GALNS: variants seen among roughly 807,000 people sequenced by gnomAD.
GALNS encodes N-acetylgalactosamine-6-sulfatase.
Under a neutral mutation model 65.9 loss-of-function variants are expected in GALNS, and 65 were observed. The observed-to-expected ratio is 0.99, with a 90% CI of 0.81 to 1.21. The LOEUF (loss-of-function observed/expected upper bound fraction) is 1.21, where lower values mean the gene tolerates loss of function less well. GALNS is among the 50% of genes most tolerant of loss of function. GALNS has a pLI of 0.00. For missense variants in GALNS, 776 were observed against 700.7 expected (o/e 1.11, Z -1.21); for synonymous variants, 346 against 288.9 (o/e 1.20, Z -2.00).
chr16:88,833,624 T>G (rs1037305575), intron 8 of GALNS, among the ~76,000 whole-genome samples: 1 of 151,930 alleles, frequency 6.6e-6, no homozygotes, highest in Non-Finnish European at 1.5e-5. Context: ...GCTAATTTTT[T>G]GTTTTTCAGT....
At chr16:88,820,558 C>T (rs1450133953) in intron 12 of GALNS, among the ~76,000 whole-genome samples, 1 of 152,230 alleles carries the variant, frequency 6.6e-6, no homozygotes, top group East Asian at 1.9e-4. Context: ...AAGGCATGGC[C>T]GACAGCTGGG....
chr16:88,853,353 CAG>C (rs1967598116), intron 1 of GALNS, among the ~76,000 whole-genome samples: 2 of 151,156 alleles, frequency 1.3e-5, no homozygotes, highest in South Asian at 2.1e-4. Flanking sequence ...TTCAGAATTT[CAG>C]AGTTTTAAGA....
chr16:88,842,988 C>G, intron 1 of GALNS, 159 bp from the exon 2 acceptor site: 2 of 1,507,740 alleles, frequency 1.3e-6, no homozygotes, highest in South Asian at 2.4e-5. Flanking sequence ...CCAGCATCGC[C>G]TGCGTGCGTG....
At chr16:88,821,302 C>T (rs138027673) in intron 12 of GALNS, among the ~76,000 whole-genome samples, 4 of 150,856 alleles carry the variant, frequency 2.7e-5, no homozygotes, top group Admixed American at 6.6e-5. Context: ...GTCCAGTCCC[C>T]GTCTCGTCCC....
rs530332447 is a variant in GALNS at position 88,837,973 on chromosome 16, G to A, written c.423-208C>T. 23 of 581,248 alleles carry A rather than the reference G, an allele frequency of 4.0e-5. 1 individual carries two copies. The highest frequency in any genetic ancestry group is 2.6e-4 in the African/African-American group (14 of 53,642). The allele number at this position is 581,248 out of a possible 1,614,324, so 36.0% of individuals were successfully genotyped here. On this transcript the variant is annotated intron_variant, in intron 4 of 13. Coordinates refer to ENST00000268695, the MANE Select transcript of GALNS (RefSeq NM_000512.5). The stretch of plus-strand genomic sequence containing the variant: ...GCACTGCCCGCCTACCCTGCAGAGC[G>A]TCTGGGCACAACCGAGGGCGGCAGG...
rs117163814 is a variant in GALNS, at chr16:88,835,113, G to A, written c.898+100C>T. 55,563 of 1,463,714 alleles carry A rather than the reference G, an allele frequency of 0.038. 1,271 individuals are homozygous for A. The highest frequency in any genetic ancestry group is 0.077 in the South Asian group (6,273 of 81,614). The allele number at this position is 1,463,714 out of a possible 1,614,324, so 90.7% of individuals were successfully genotyped here. ...CGCTGGACCCAGAGGGACCCTTCAT[G>A]CTCTGCCCACCACAGACCCCGTGGG... On this transcript the variant is annotated intron_variant, in intron 8 of 13. Coordinates refer to ENST00000268695, the MANE Select transcript of GALNS (RefSeq NM_000512.5).
At chr16:88,842,917 C>A in intron 1 of GALNS, 88 bp from the exon 2 acceptor site, 1 of 1,564,696 alleles carries the variant, frequency 6.4e-7, no homozygotes, top group Non-Finnish European at 8.6e-7. Context: ...AAGAGCGTGT[C>A]GGGGACCGTG....
intron 1 of GALNS, chr16:88,843,216 T>G: frequency 7.6e-7 from 1 of 1,314,120 alleles, no homozygotes. Context: ...TCAACATAAA[T>G]ACACAGGCCC....
intron 1 of GALNS, chr16:88,855,238 CTG>C (rs2143011461): frequency 2.9e-6 from 2 of 699,168 alleles, no homozygotes; most frequent in South Asian, 3.0e-5. Context: ...CCTCTGTCCT[CTG>C]AGAAAGTCAG....
At position 88,813,947 on chromosome 16, in the gene GALNS, G is replaced by A. The variant is rs1011199974; in HGVS notation, c.*492C>T. 3 of 202,232 alleles carry A rather than the reference G, an allele frequency of 1.5e-5. No individual in the cohort carries two copies. Among genetic ancestry groups the A allele is most frequent in the African/African-American group, 2.3e-5 (1 of 43,398 alleles). The allele number at this position is 202,232 out of a possible 1,614,324, so 12.5% of individuals were successfully genotyped here. A position where few individuals can be genotyped will look rare whatever the true frequency, so the allele number is the denominator to read the frequency against. ...CCCTTACTGTTTACATAAAAATGCG[G>A]ATTCACTGGGCCAGACTCAATCGTG... On this transcript the variant is annotated 3_prime_UTR_variant, in exon 14 of 14. Coordinates refer to ENST00000268695, the MANE Select transcript of GALNS (RefSeq NM_000512.5).
intron 1 of GALNS, among the ~76,000 whole-genome samples, chr16:88,848,571 GAA>G (rs60527229): frequency 7.4e-6 from 1 of 135,858 alleles, no homozygotes; most frequent in Admixed American, 7.3e-5. Context: ...GACTCCGTCT[GAA>G]AAAAAAAAAA....
At chr16:88,833,905 T>C (rs1354270556) in intron 8 of GALNS, among the ~76,000 whole-genome samples, 5 of 152,230 alleles carry the variant, frequency 3.3e-5, no homozygotes, top group African/African-American at 1.2e-4. Flanking sequence ...CATTTAGAAA[T>C]GAAGACTCAG....
At chr16:88,842,113 T>A in intron 2 of GALNS, 142 bp from the exon 3 acceptor site, 2 of 767,456 alleles carry the variant, frequency 2.6e-6, no homozygotes, top group Non-Finnish European at 4.6e-6. Context: ...CGCCTGTCAA[T>A]CCCCGTTAGC....
At chr16:88,832,425 T>C (rs543536481) in intron 8 of GALNS, among the ~76,000 whole-genome samples, 5 of 152,310 alleles carry the variant, frequency 3.3e-5, no homozygotes, top group African/African-American at 9.6e-5. Context: ...CGACTGGTGC[T>C]TCCCGAACGT....
At chr16:88,851,552 G>A (rs928124401) in intron 1 of GALNS, among the ~76,000 whole-genome samples, 1 of 152,154 alleles carries the variant, frequency 6.6e-6, no homozygotes, top group African/African-American at 2.4e-5. Context: ...AAGCAGGGTG[G>A]GGCATCGCCT....
chr16:88,840,453 T>G (rs115676398), intron 4 of GALNS: 2,471 of 183,242 alleles, frequency 0.013, 52 homozygotes, highest in African/African-American at 0.056. Context: ...GTAAAAGAAA[T>G]GAAACATCCT....
At chr16:88,836,116 G>T in intron 6 of GALNS, 85 bp downstream of exon 6, 2 of 1,322,930 alleles carry the variant, frequency 1.5e-6, no homozygotes, top group Non-Finnish European at 2.1e-6. Flanking sequence ...ATGCATTCCT[G>T]TCCCCACGCC....
At chr16:88,846,669 A>G (rs56401214) in intron 1 of GALNS, among the ~76,000 whole-genome samples, 11,364 of 151,748 alleles carry the variant, frequency 0.075, 864 homozygotes, top group African/African-American at 0.2. Flanking sequence ...CAGCCTCCCA[A>G]GTAGCTGGGA....
chr16:88,838,803 T>G (rs1318210), intron 4 of GALNS: 3,212 of 152,376 alleles, frequency 0.021, 42 homozygotes, highest in East Asian at 0.034. Flanking sequence ...GGAAAGTTCT[T>G]CTGCAGCTAC....
Sources: allele counts gnomAD v4.1 joint callset (sites outside exome capture counted in the v4.1 genomes callset), GRCh38; gene constraint gnomAD v4.1.1; transcripts MANE v1.5; gene names NCBI Gene and HGNC (gene_info 2026-07-23, HGNC 2026-07-21).